SGCZ: variants seen among roughly 807,000 people sequenced by gnomAD.
SGCZ encodes the protein sarcoglycan zeta.
SGCZ carries 40 observed loss-of-function variants against 41.3 expected under a neutral mutation model. That is an observed-to-expected ratio of 0.97 (90% CI 0.75 to 1.26). The LOEUF is 1.26. Ranked by LOEUF, SGCZ falls within the 50% of genes most tolerant of loss-of-function variation. The pLI is 0.00. For synonymous variants in SGCZ, 206 were observed against 137.5 expected (o/e 1.50, Z -3.49); for missense variants, 552 against 369.8 (o/e 1.49, Z -4.04).
chr8:15,195,851 T>C (rs902143181), intron 1 of SGCZ, among the ~76,000 whole-genome samples: 1 of 152,076 alleles, frequency 6.6e-6, no homozygotes, highest in Non-Finnish European at 1.5e-5. Context: ...AGCTACTCTT[T>C]ATAAATTTAT....
rs1391702499 is a variant in SGCZ, at chr8:14,131,800, T to C, written c.548-23565A>G. 2.0e-5 allele frequency among the ~76,000 whole-genome samples: 3 copies of C among 152,202 alleles called. No homozygotes were observed. In the East Asian group the frequency reaches 5.8e-4, roughly 29 times the overall value. On this transcript the variant is annotated intron_variant, in intron 5 of 7. Coordinates refer to ENST00000382080, the MANE Select transcript of SGCZ (RefSeq NM_139167.4). Reference sequence around the variant, plus strand: ...AATATTGTATTTTTATAGTACATTTTCTATGTTTACATACACAAATATTTA... The same window carrying C: ...AATATTGTATTTTTATAGTACATTTCCTATGTTTACATACACAAATATTTA...
chr8:14,770,520 G>A (rs1800199918), intron 1 of SGCZ, among the ~76,000 whole-genome samples: 1 of 151,700 alleles, frequency 6.6e-6, no homozygotes, highest in Admixed American at 6.6e-5. Flanking sequence ...ATATTATAAA[G>A]TATATATATG....
intron 3 of SGCZ, among the ~76,000 whole-genome samples, chr8:14,267,544 C>T (rs879636853): frequency 1.3e-5 from 2 of 152,044 alleles, no homozygotes; most frequent in East Asian, 1.9e-4. Context: ...ATTCTGGTAT[C>T]GCCTAGTCTC....
intron 1 of SGCZ, among the ~76,000 whole-genome samples, chr8:14,760,679 T>C (rs998169516): frequency 6.6e-5 from 10 of 152,222 alleles, no homozygotes; most frequent in African/African-American, 2.4e-4. Flanking sequence ...ACAACTCTCC[T>C]ATATTCTGTG....
chr8:14,708,690 C>T (rs7010702), intron 1 of SGCZ, among the ~76,000 whole-genome samples: 65,502 of 151,826 alleles, frequency 0.43, 18,332 homozygotes, highest in African/African-American at 0.8. Context: ...AACAAACATA[C>T]TACTTTTTAA....
At chr8:15,076,601 T>C (rs1805539469) in intron 1 of SGCZ, among the ~76,000 whole-genome samples, 1 of 152,110 alleles carries the variant, frequency 6.6e-6, no homozygotes, top group Admixed American at 6.5e-5. Flanking sequence ...GACTCTAGGA[T>C]TTGGCTGCCT....
intron 2 of SGCZ, among the ~76,000 whole-genome samples, chr8:14,396,011 T>C (rs1333159939): frequency 6.6e-6 from 1 of 152,182 alleles, no homozygotes; most frequent in African/African-American, 2.4e-5. Flanking sequence ...GTATGTGCGT[T>C]TATGATCGGA....
At chr8:14,394,748 C>T (rs1180276782) in intron 2 of SGCZ, among the ~76,000 whole-genome samples, 1 of 151,884 alleles carries the variant, frequency 6.6e-6, no homozygotes, top group Non-Finnish European at 1.5e-5. Context: ...GTATTTTCAG[C>T]GATTGGGTGG....
At chr8:14,107,162 G>T (rs895058218) in intron 6 of SGCZ, among the ~76,000 whole-genome samples, 1 of 151,796 alleles carries the variant, frequency 6.6e-6, no homozygotes, top group Non-Finnish European at 1.5e-5. Context: ...CTTGAGGTGA[G>T]TCGAGATAGC....
chr8:14,847,084 TAGA>T (rs1585314524), intron 1 of SGCZ, among the ~76,000 whole-genome samples: 1 of 81,018 alleles, frequency 1.2e-5, no homozygotes, highest in Non-Finnish European at 2.7e-5. Context: ...CAAGACAAAA[TAGA>T]AGAAGAAGAA....
chr8:14,146,348 T>A (rs539426941), intron 5 of SGCZ, among the ~76,000 whole-genome samples: 6 of 152,126 alleles, frequency 3.9e-5, no homozygotes, highest in Non-Finnish European at 8.8e-5. Context: ...AGAAATATCT[T>A]TTGAATATGA....
In SGCZ at chr8:14,722,996, G is replaced by T. The variant is rs145158831; in HGVS notation, c.40-168070C>A. Among the ~76,000 whole-genome samples the T allele has an allele frequency of 6.1e-3, 933 of 152,262 alleles. 8 individuals are homozygous for T. Among genetic ancestry groups the T allele is most frequent in the African/African-American group, 0.021 (887 of 41,556 alleles). On this transcript the variant is annotated intron_variant, in intron 1 of 7. Coordinates refer to ENST00000382080, the MANE Select transcript of SGCZ (RefSeq NM_139167.4). The stretch of plus-strand genomic sequence containing the variant: ...CCAGAATTCAAATTCAAGTCACGCA[G>T]ATTCTAATTTCAAGCTCCTCATTTT...
chr8:14,279,115 C>G (rs745718096), intron 3 of SGCZ, among the ~76,000 whole-genome samples: 5 of 152,072 alleles, frequency 3.3e-5, no homozygotes, highest in Non-Finnish European at 5.9e-5. Context: ...GTTGAATTCC[C>G]TAGAAATCAG....
intron 2 of SGCZ, among the ~76,000 whole-genome samples, chr8:14,416,656 A>T (rs982933502): frequency 1.1e-4 from 16 of 151,900 alleles, no homozygotes; most frequent in African/African-American, 3.9e-4. Context: ...CCTTACTTGG[A>T]TTCAGAAATA....
At chr8:15,233,278 C>T (rs1448236918) in intron 1 of SGCZ, among the ~76,000 whole-genome samples, 3 of 149,458 alleles carry the variant, frequency 2.0e-5, no homozygotes, top group African/African-American at 7.4e-5. Flanking sequence ...GCTTCCTACA[C>T]TGCAGCAAGC....
intron 1 of SGCZ, among the ~76,000 whole-genome samples, chr8:14,856,870 G>A (rs1231748243): frequency 8.5e-5 from 13 of 152,094 alleles, no homozygotes; most frequent in Non-Finnish European, 1.6e-4. Context: ...ATTCAGAAAT[G>A]CACACCCATA....
intron 2 of SGCZ, among the ~76,000 whole-genome samples, chr8:14,451,547 A>G (rs1479667705): frequency 6.6e-6 from 1 of 152,224 alleles, no homozygotes; most frequent in Non-Finnish European, 1.5e-5. Context: ...CAAGAGATTG[A>G]GAATACAAGC....
At position 15,237,620 on chromosome 8, in the gene SGCZ, C is replaced by A; in HGVS notation, c.4G>T (p.Asp2Tyr). 6.3e-7 allele frequency: 1 copy of A among 1,584,700 alleles called. No homozygotes were observed. The change falls in exon 1 of 8, where the codon GAC (aspartate) becomes TAC (tyrosine). Residue 2 changes from aspartate (D) to tyrosine (Y), a missense_variant. Coordinates refer to ENST00000382080, the MANE Select transcript of SGCZ (RefSeq NM_139167.4). M[D>Y]RSTNLDIEEL... ...TCAATGTCCAGGTTCGTTGATCTGTCCATGGAGCGCAACTAAACGAAGTGG... is the reference window on the plus strand; with the variant it reads ...TCAATGTCCAGGTTCGTTGATCTGTACATGGAGCGCAACTAAACGAAGTGG...
intron 1 of SGCZ, among the ~76,000 whole-genome samples, chr8:14,814,689 G>A (rs201806286): frequency 6.6e-6 from 1 of 152,118 alleles, no homozygotes. Context: ...TAGGAACTTG[G>A]AGAATTTTTT....
Sources: allele counts gnomAD v4.1 joint callset (sites outside exome capture counted in the v4.1 genomes callset), GRCh38; gene constraint gnomAD v4.1.1; transcripts MANE v1.5; gene names NCBI Gene and HGNC (gene_info 2026-07-23, HGNC 2026-07-21).